Variants in ABHD3 observed in about 807,000 individuals in gnomAD.
ABHD3 encodes phospholipase ABHD3.
A neutral mutation model predicts 48.8 loss-of-function variants in ABHD3; 46 were observed. The observed-to-expected ratio is 0.94, with a 90% CI of 0.74 to 1.20. The LOEUF is 1.20. Ranked by LOEUF, ABHD3 falls within the 50% of genes most tolerant of loss-of-function variation. ABHD3 has a pLI of 0.00. For missense variants in ABHD3, 490 were observed against 497.8 expected, an observed-to-expected ratio of 0.98 and a Z score of 0.15; for synonymous variants, 192 against 183.7, an observed-to-expected ratio of 1.04 and a Z score of -0.36.
chr18:21,698,736 C>T (rs1395718424), intron 3 of ABHD3, among the ~76,000 whole-genome samples: 2 of 151,750 alleles, frequency 1.3e-5, no homozygotes, highest in Non-Finnish European at 2.9e-5. Context: ...ACCACCACAT[C>T]CAGCTAATTT....
intron 3 of ABHD3, among the ~76,000 whole-genome samples, chr18:21,693,649 T>C (rs944420302): frequency 1.3e-5 from 2 of 152,176 alleles, no homozygotes; most frequent in South Asian, 4.1e-4. Context: ...CCACCATAAC[T>C]TTTTCTGGAA....
At chr18:21,654,503 C>G (rs184348798) in intron 8 of ABHD3, among the ~76,000 whole-genome samples, 4 of 152,142 alleles carry the variant, frequency 2.6e-5, no homozygotes, top group African/African-American at 9.7e-5. Flanking sequence ...CCTGAGTTCA[C>G]GTCCTTAGCT....
chr18:21,666,568 G>A (rs1455624047), intron 4 of ABHD3, among the ~76,000 whole-genome samples: 1 of 152,178 alleles, frequency 6.6e-6, no homozygotes, highest in African/African-American at 2.4e-5. Flanking sequence ...GACCTCAAAT[G>A]ATCTACCCGC....
chr18:21,678,321 ATTTT>A (rs1480318567), intron 4 of ABHD3, among the ~76,000 whole-genome samples: 7 of 152,134 alleles, frequency 4.6e-5, no homozygotes, highest in Admixed American at 2.6e-4. Context: ...TGGTAACTCT[ATTTT>A]AACTTTTGGA....
intron 4 of ABHD3, among the ~76,000 whole-genome samples, chr18:21,680,486 G>A (rs1021239376): frequency 2.0e-5 from 3 of 152,156 alleles, no homozygotes; most frequent in African/African-American, 7.2e-5. Flanking sequence ...CTGAGTCCGA[G>A]GTACTTTCTG....
chr18:21,692,697 A>AT (rs2040279855), intron 3 of ABHD3, among the ~76,000 whole-genome samples: 1 of 152,154 alleles, frequency 6.6e-6, no homozygotes, highest in Non-Finnish European at 1.5e-5. Context: ...ATTCTATTTT[A>AT]TTGCAGTCGT....
At chr18:21,700,109 A>G (rs1029621995) in intron 3 of ABHD3, among the ~76,000 whole-genome samples, 4 of 150,978 alleles carry the variant, frequency 2.6e-5, no homozygotes, top group African/African-American at 9.8e-5. Flanking sequence ...TATTTTTTTG[A>G]GACAGAGTCT....
At chr18:21,686,724 G>A (rs1482289226) in intron 3 of ABHD3, among the ~76,000 whole-genome samples, 1 of 152,150 alleles carries the variant, frequency 6.6e-6, no homozygotes, top group East Asian at 1.9e-4. Context: ...GGAAGAATGA[G>A]GAAGCAAAGC....
At chr18:21,673,974 A>G (rs1336016819) in intron 4 of ABHD3, among the ~76,000 whole-genome samples, 1 of 152,248 alleles carries the variant, frequency 6.6e-6, no homozygotes, top group East Asian at 1.9e-4. Context: ...CCTCTGCAAC[A>G]AGAGAATAAG....
intron 5 of ABHD3, among the ~76,000 whole-genome samples, chr18:21,660,987 C>T (rs2039479297): frequency 1.3e-5 from 2 of 150,558 alleles, no homozygotes; most frequent in African/African-American, 2.4e-5. Flanking sequence ...AGGTGGAATA[C>T]GTCTTGGTTA....
intron 5 of ABHD3, among the ~76,000 whole-genome samples, chr18:21,661,077 T>A (rs1598514573): frequency 8.9e-6 from 1 of 111,972 alleles, no homozygotes; most frequent in Non-Finnish European, 1.7e-5. Context: ...CCCTATTTTC[T>A]CACCAAAAGA....
chr18:21,699,705 A>T (rs555220372), intron 3 of ABHD3, among the ~76,000 whole-genome samples: 1 of 152,216 alleles, frequency 6.6e-6, no homozygotes, highest in Admixed American at 6.5e-5. Flanking sequence ...TGTGAGATAG[A>T]GTTTCGCTCT....
chr18:21,683,507 T>A, intron 4 of ABHD3: 1 of 512,834 alleles, frequency 1.9e-6, no homozygotes, highest in South Asian at 1.5e-5. Context: ...AAGGAAAATG[T>A]GTTTTGCATT....
intron 3 of ABHD3, among the ~76,000 whole-genome samples, chr18:21,688,844 T>C (rs189184427): frequency 4.6e-5 from 7 of 152,226 alleles, no homozygotes; most frequent in African/African-American, 1.7e-4. Flanking sequence ...ATAAGGTGAG[T>C]ATGTATTAAA....
At chr18:21,699,996 T>C (rs1416673627) in intron 3 of ABHD3, among the ~76,000 whole-genome samples, 5 of 152,154 alleles carry the variant, frequency 3.3e-5, no homozygotes, top group Non-Finnish European at 7.3e-5. Flanking sequence ...GCAACCTTTA[T>C]AAGCAATGGA....
At chr18:21,695,382 A>C (rs2040347562) in intron 3 of ABHD3, among the ~76,000 whole-genome samples, 1 of 152,132 alleles carries the variant, frequency 6.6e-6, no homozygotes, top group Non-Finnish European at 1.5e-5. Context: ...AATGTGATAC[A>C]AGCAAAAGTG....
chr18:21,667,233 CCTTTTT>C (rs2039653718), intron 4 of ABHD3, among the ~76,000 whole-genome samples: 1 of 144,052 alleles, frequency 6.9e-6, no homozygotes, highest in Non-Finnish European at 1.5e-5. Flanking sequence ...ACCACCACAC[CCTTTTT>C]TTTTTTTTTT....
chr18:21,703,941 A>G (rs1335428048), intron 1 of ABHD3, 194 bp from the exon 2 acceptor site: 2 of 584,090 alleles, frequency 3.4e-6, no homozygotes, highest in Non-Finnish European at 6.0e-6. Context: ...GGGGAAGGCG[A>G]GAATCGCGAT....
intron 5 of ABHD3, among the ~76,000 whole-genome samples, chr18:21,662,639 G>C (rs957578252): frequency 2.0e-5 from 3 of 152,088 alleles, no homozygotes; most frequent in Admixed American, 6.6e-5. Flanking sequence ...ATCTCCATAA[G>C]AAAAAATGTG....
Sources: gnomAD v4.1 joint callset for allele counts (sites outside exome capture counted in the v4.1 genomes callset) on GRCh38, gnomAD v4.1.1 for gene constraint, MANE v1.5 for transcripts, NCBI Gene and HGNC (gene_info 2026-07-23, HGNC 2026-07-21) for gene names.